Variants in PREX1 observed in about 807,000 individuals in gnomAD.
The protein encoded by PREX1 is phosphatidylinositol 3,4,5-trisphosphate-dependent Rac exchanger 1 protein.
Under a neutral mutation model 198.3 loss-of-function variants are expected in PREX1, and 41 were observed. The observed-to-expected ratio is 0.21, with a 90% CI of 0.16 to 0.27. The LOEUF (loss-of-function observed/expected upper bound fraction) is 0.27. Ranked by LOEUF, PREX1 falls within the 10% of genes least tolerant of loss-of-function variation. The probability of loss-of-function intolerance (pLI) is 1.00; values close to 1 mark genes in which losing one functional copy is unlikely to be tolerated. For synonymous variants in PREX1, 843 were observed against 887.2 expected, an observed-to-expected ratio of 0.95 and a Z score of 0.89; for missense variants, 1,620 against 2,200.7, an observed-to-expected ratio of 0.74 and a Z score of 5.28.
At chr20:48,641,846 GGAAGGAAGGAAGGAAGGAAGGAAGGA>G (rs2089414398) in intron 29 of PREX1, among the ~76,000 whole-genome samples, 2 of 17,806 alleles carry the variant, frequency 1.1e-4, no homozygotes, top group Admixed American at 7.1e-4. Flanking sequence ...GAGAGAGGAA[GGAAGGAAGGAAGGAAGGAAGGAAGGA>G]AGGAAGGAAG....
chr20:48,710,954 G>A (rs909731280), intron 5 of PREX1, among the ~76,000 whole-genome samples: 39 of 152,352 alleles, frequency 2.6e-4, no homozygotes, highest in African/African-American at 7.5e-4. Flanking sequence ...ACATGAGGCC[G>A]CAGTGGGGTG....
chr20:48,687,027 C>A (rs977224330), intron 10 of PREX1, among the ~76,000 whole-genome samples: 2 of 152,208 alleles, frequency 1.3e-5, no homozygotes, highest in Non-Finnish European at 2.9e-5. Context: ...CACCTTCTCG[C>A]CAGCAGCTCC....
chr20:48,884,274 A>ATT, the PREX1 span, among the ~76,000 whole-genome samples: 1 of 152,212 alleles, frequency 6.6e-6, no homozygotes, highest in Admixed American at 6.5e-5. Context: ...ACAATTCCTG[A>ATT]TTTTAAAACT....
intron 1 of PREX1, among the ~76,000 whole-genome samples, chr20:48,823,109 G>A (rs908647219): frequency 2.6e-5 from 4 of 152,256 alleles, no homozygotes; most frequent in Middle Eastern, 3.4e-3. Flanking sequence ...AAGCATTCTG[G>A]GAGCTTTCTG....
Position 48,734,583 on chromosome 20 carries a change from T to A in PREX1, c.482A>T (p.Glu161Val). The part of the protein sequence containing the change: ...NHEKALRLLV[E>V]LNKIPTVRAF... Reference sequence around the variant, plus strand: ...GCGCACGGTAGGGATCTTGTTCAGCTCCACCAGCAGCCTCAGGGCTTTCTC... The same window carrying A: ...GCGCACGGTAGGGATCTTGTTCAGCACCACCAGCAGCCTCAGGGCTTTCTC... The change falls in exon 4 of 40, where the codon GAG (glutamate) becomes GTG (valine). Residue 161 changes from glutamate to valine, a missense_variant. Transcript: ENST00000371941. 1 of 1,614,136 alleles carries A rather than the reference T, an allele frequency of 6.2e-7. No homozygotes were observed. The highest frequency in any genetic ancestry group is 2.2e-5 in the East Asian group (1 of 44,872).
At chr20:48,692,644 G>T in intron 8 of PREX1, 28 bp downstream of exon 8, 1 of 1,577,448 alleles carries the variant, frequency 6.3e-7, no homozygotes, top group South Asian at 1.1e-5. Flanking sequence ...CTCAGGCAGG[G>T]CTCAGGCAAG....
chr20:48,877,279 A>T, the PREX1 span, among the ~76,000 whole-genome samples: 1 of 152,122 alleles, frequency 6.6e-6, no homozygotes, highest in Non-Finnish European at 1.5e-5. Context: ...CTCAAAAAAA[A>T]AAAAAGAAAG....
chr20:48,666,608 C>T lies in PREX1; in HGVS notation c.1666-253G>A, dbSNP rs957655520. 2.0e-5 allele frequency among the ~76,000 whole-genome samples: 3 copies of T among 152,220 alleles called. 1 individual carries two copies. In the South Asian group the frequency reaches 6.2e-4, roughly 32 times the overall value. Reference sequence around the variant, plus strand: ...TGGCACGATCTCGGCTTACTGCAAGCTCCACCTCCTGGGTTCAAGCCATTC... The same window carrying T: ...TGGCACGATCTCGGCTTACTGCAAGTTCCACCTCCTGGGTTCAAGCCATTC... On this transcript the variant is annotated intron_variant, in intron 14 of 39. Coordinates refer to ENST00000371941, the MANE Select transcript of PREX1 (RefSeq NM_020820.4). This position sits in a 1 kb window ranked among gnomAD's most constrained non-coding sequence, Gnocchi z 4.3.
At chr20:48,749,095 A>G (rs1191297097) in intron 1 of PREX1, among the ~76,000 whole-genome samples, 3 of 152,010 alleles carry the variant, frequency 2.0e-5, no homozygotes, top group Admixed American at 2.0e-4. Context: ...CACAGGGATA[A>G]ATGTTGGGGA....
chr20:48,629,938 C>T (rs567247401), intron 36 of PREX1, among the ~76,000 whole-genome samples: 68 of 152,276 alleles, frequency 4.5e-4, no homozygotes, highest in African/African-American at 1.5e-3. Flanking sequence ...CCTCTCCCAG[C>T]CTGTCAAGAC....
At chr20:48,697,995 C>T (rs1344433954) in intron 7 of PREX1, among the ~76,000 whole-genome samples, 3 of 152,198 alleles carry the variant, frequency 2.0e-5, no homozygotes, top group African/African-American at 7.2e-5. Flanking sequence ...CCTGCACCCA[C>T]ATCAGACTCA....
intron 5 of PREX1, among the ~76,000 whole-genome samples, chr20:48,709,881 T>A (rs2123091233): frequency 6.6e-6 from 1 of 152,326 alleles, no homozygotes; most frequent in Non-Finnish European, 1.5e-5. Context: ...AACACATCCC[T>A]TCTTCATTCA....
chr20:48,632,581 G>A lies in PREX1; in HGVS notation c.4326C>T (p.Tyr1442=), dbSNP rs1263847252. 6.2e-6 allele frequency: 10 copies of A among 1,614,048 alleles called. No homozygotes were observed. Among genetic ancestry groups the A allele is most frequent in the Non-Finnish European group, 8.5e-6 (10 of 1,179,942 alleles). ...GSRQALKVIF[Y]LDSYHFSKLP... is the part of the protein sequence containing the mutation. The stretch of plus-strand genomic sequence containing the variant: ...GCTTGGAGAAGTGGTAGCTGTCGAG[G>A]TAGAAGATGACCTTCAGCGCCTGCC... The change falls in exon 34 of 40, where the codon TAC becomes TAT. Residue 1442 remains tyrosine (Y), a synonymous_variant. Coordinates refer to ENST00000371941, the MANE Select transcript of PREX1 (RefSeq NM_020820.4).
intron 5 of PREX1, among the ~76,000 whole-genome samples, chr20:48,722,651 T>A (rs1449835452): frequency 1.3e-5 from 2 of 152,256 alleles, no homozygotes; most frequent in African/African-American, 4.8e-5. Flanking sequence ...CCAGGGCCCA[T>A]CTCTCCTCAG....
chr20:48,826,198 C>T (rs2090507872), intron 1 of PREX1, among the ~76,000 whole-genome samples: 1 of 152,060 alleles, frequency 6.6e-6, no homozygotes, highest in Non-Finnish European at 1.5e-5. Context: ...GAAAGAGCCA[C>T]CCCCACACCA....
intron 5 of PREX1, among the ~76,000 whole-genome samples, chr20:48,716,891 A>C (rs150089835): frequency 4.6e-4 from 70 of 152,294 alleles, no homozygotes; most frequent in African/African-American, 1.5e-3. Flanking sequence ...TCCTGAGCAC[A>C]AGGCTGGCAC....
chr20:48,645,718 C>T (rs1335960543), intron 26 of PREX1, 133 bp downstream of exon 26: 32 of 1,025,702 alleles, frequency 3.1e-5, no homozygotes, highest in Non-Finnish European at 4.5e-5. Flanking sequence ...CAGAACCACG[C>T]TATCAGCAAC....
chr20:48,738,624 G>A (rs1247921492), intron 3 of PREX1, among the ~76,000 whole-genome samples: 1 of 152,208 alleles, frequency 6.6e-6, no homozygotes, highest in African/African-American at 2.4e-5. Context: ...GGAAGAAACG[G>A]ACAAACAGTT....
At chr20:48,781,635 C>T (rs1427350112) in intron 1 of PREX1, among the ~76,000 whole-genome samples, 1 of 152,136 alleles carries the variant, frequency 6.6e-6, no homozygotes, top group African/African-American at 2.4e-5. Context: ...CATGGCCACA[C>T]CAAGAGTCTA....
Sources: allele counts gnomAD v4.1 joint callset (sites outside exome capture counted in the v4.1 genomes callset), GRCh38; gene constraint gnomAD v4.1.1; non-coding constraint Gnocchi (gnomAD v3.1); transcripts MANE v1.5; gene names NCBI Gene and HGNC (gene_info 2026-07-23, HGNC 2026-07-21).